CACNA2D3: variants seen among roughly 807,000 people sequenced by gnomAD.
CACNA2D3 encodes the protein voltage-dependent calcium channel subunit alpha-2/delta-3.
CACNA2D3 carries 60 observed loss-of-function variants against 160.6 expected under a neutral mutation model. The ratio of observed to expected loss-of-function variants is 0.37; its 90% CI spans 0.30 to 0.46. The LOEUF (loss-of-function observed/expected upper bound fraction) is 0.46. CACNA2D3 is among the 20% of genes least tolerant of loss of function. The pLI is 1.00. For missense variants in CACNA2D3, 1,205 were observed against 1,365.0 expected, an observed-to-expected ratio of 0.88 and a Z score of 1.85; for synonymous variants, 558 against 492.9, an observed-to-expected ratio of 1.13 and a Z score of -1.75.
At chr3:54,770,058 A>G (rs1292077924) in intron 13 of CACNA2D3, among the ~76,000 whole-genome samples, 1 of 151,972 alleles carries the variant, frequency 6.6e-6, no homozygotes, top group Non-Finnish European at 1.5e-5. Flanking sequence ...AGCCCCCTTC[A>G]CCCTTTGCCC....
chr3:54,652,126 T>C (rs1323907584), intron 11 of CACNA2D3, among the ~76,000 whole-genome samples: 1 of 151,722 alleles, frequency 6.6e-6, no homozygotes, highest in African/African-American at 2.4e-5. Context: ...AAATAAATGC[T>C]CCACCCACCC....
chr3:54,993,440 A>T (rs1702785107), intron 31 of CACNA2D3, among the ~76,000 whole-genome samples: 1 of 152,220 alleles, frequency 6.6e-6, no homozygotes, highest in Non-Finnish European at 1.5e-5. Context: ...ACCAACCTGG[A>T]CATGAAGTGC....
chr3:54,125,242 T>TACACACACACACACACACACAC (rs59950857), intron 2 of CACNA2D3, among the ~76,000 whole-genome samples: 2 of 147,944 alleles, frequency 1.4e-5, no homozygotes, highest in Admixed American at 6.7e-5. Context: ...TCTTTGAAGT[T>TACACACACACACACACACACAC]ACACACACAC....
chr3:54,227,317 G>A (rs1345088600), intron 2 of CACNA2D3, among the ~76,000 whole-genome samples: 1 of 152,064 alleles, frequency 6.6e-6, no homozygotes, highest in Non-Finnish European at 1.5e-5. Context: ...TGCGCTTCCT[G>A]GGGATAAGCT....
intron 5 of CACNA2D3, among the ~76,000 whole-genome samples, chr3:54,533,576 C>T (rs1452485533): frequency 6.6e-6 from 1 of 152,118 alleles, no homozygotes; most frequent in Non-Finnish European, 1.5e-5. Context: ...CTCAGGTGAT[C>T]TGCCTGCCTC....
intron 35 of CACNA2D3, among the ~76,000 whole-genome samples, chr3:55,064,677 A>T (rs1361998676): frequency 6.6e-6 from 1 of 152,178 alleles, no homozygotes; most frequent in East Asian, 1.9e-4. Context: ...TTCTGAGAGT[A>T]GGCCCCTCTG....
chr3:54,174,835 C>A (rs1257644448), intron 2 of CACNA2D3, among the ~76,000 whole-genome samples: 1 of 152,092 alleles, frequency 6.6e-6, no homozygotes, highest in East Asian at 1.9e-4. Context: ...TGAAGTTGGA[C>A]TATTTTGAAG....
chr3:54,402,169 A>G (rs1165077839), intron 4 of CACNA2D3, among the ~76,000 whole-genome samples: 1 of 152,194 alleles, frequency 6.6e-6, no homozygotes, highest in Non-Finnish European at 1.5e-5. Flanking sequence ...ACTTAGCACT[A>G]CAGAAACTTA....
intron 4 of CACNA2D3, among the ~76,000 whole-genome samples, chr3:54,447,956 C>G (rs1292254710): frequency 1.3e-5 from 2 of 152,122 alleles, no homozygotes; most frequent in Non-Finnish European, 2.9e-5. Context: ...GTGATGATAT[C>G]AGTGGGAAGT....
intron 11 of CACNA2D3, among the ~76,000 whole-genome samples, chr3:54,722,369 G>GGA (rs1464483753): frequency 6.6e-6 from 1 of 152,172 alleles, no homozygotes; most frequent in East Asian, 1.9e-4. Context: ...CCTTTAGCTT[G>GGA]GAGGAGTTGG....
chr3:54,221,058 C>G (rs959121597), intron 2 of CACNA2D3, among the ~76,000 whole-genome samples: 6 of 152,176 alleles, frequency 3.9e-5, no homozygotes, highest in African/African-American at 1.4e-4. Flanking sequence ...TATCCTGTCT[C>G]CTCCATGCCA....
intron 3 of CACNA2D3, among the ~76,000 whole-genome samples, chr3:54,340,393 G>A (rs1704489816): frequency 6.6e-6 from 1 of 152,138 alleles, no homozygotes; most frequent in Admixed American, 6.5e-5. Flanking sequence ...AAAGTGAGTT[G>A]CAGACTTGTT....
intron 4 of CACNA2D3, among the ~76,000 whole-genome samples, chr3:54,442,836 T>C (rs1032465938): frequency 6.6e-6 from 1 of 152,010 alleles, no homozygotes; most frequent in Non-Finnish European, 1.5e-5. Flanking sequence ...AAACAGAGGG[T>C]CCTGTCGTAC....
rs190920660 is a variant in CACNA2D3, at chr3:54,345,438, G to T, written c.321+24880G>T. On this transcript the variant is annotated intron_variant, in intron 3 of 37. Coordinates refer to ENST00000474759, the MANE Select transcript of CACNA2D3 (RefSeq NM_018398.3). ...CAGGCTTTTAAACACTACTGCTGAA[G>T]GGAAACCAGCTGGTCATAGAAGAAG... 4.2e-4 allele frequency among the ~76,000 whole-genome samples: 64 copies of T among 152,054 alleles called. 1 individual carries two copies. Among genetic ancestry groups the T allele is most frequent in the Admixed American group, 4.1e-3 (62 of 15,278 alleles).
chr3:54,919,524 T>C (rs540519403), intron 27 of CACNA2D3, among the ~76,000 whole-genome samples: 4 of 152,312 alleles, frequency 2.6e-5, no homozygotes, highest in South Asian at 2.1e-4. Context: ...TACTGAACTT[T>C]CCAGTGGGTT....
intron 4 of CACNA2D3, among the ~76,000 whole-genome samples, chr3:54,452,182 T>G (rs1013333928): frequency 6.6e-6 from 1 of 152,200 alleles, no homozygotes; most frequent in African/African-American, 2.4e-5. Context: ...TCAGCATGGC[T>G]GGAGAGGCCT....
intron 13 of CACNA2D3, among the ~76,000 whole-genome samples, chr3:54,806,335 G>C (rs1354084088): frequency 2.6e-5 from 4 of 152,094 alleles, no homozygotes; most frequent in Admixed American, 6.6e-5. Flanking sequence ...TCCTTAAGCT[G>C]ATAAGCAACT....
intron 2 of CACNA2D3, among the ~76,000 whole-genome samples, chr3:54,214,167 C>A (rs1479103108): frequency 6.6e-6 from 1 of 152,138 alleles, no homozygotes; most frequent in Non-Finnish European, 1.5e-5. Flanking sequence ...TCTCATATTC[C>A]AGAAGACTCT....
At chr3:54,369,648 T>C (rs2107547832) in intron 3 of CACNA2D3, among the ~76,000 whole-genome samples, 1 of 152,282 alleles carries the variant, frequency 6.6e-6, no homozygotes, top group Non-Finnish European at 1.5e-5. Flanking sequence ...GTGCCCTCCA[T>C]TCCCCAAGGG....
Sources: gnomAD v4.1 joint callset for allele counts (sites outside exome capture counted in the v4.1 genomes callset) on GRCh38, gnomAD v4.1.1 for gene constraint, MANE v1.5 for transcripts, NCBI Gene and HGNC (gene_info 2026-07-23, HGNC 2026-07-21) for gene names.